The following TEAD1 variants were observed in gnomAD, a reference collection of about 807,000 sequenced individuals.
TEAD1 encodes TEA domain transcription factor 1.
Under a neutral mutation model 54.9 loss-of-function variants are expected in TEAD1, and 9 were observed. The ratio of observed to expected loss-of-function variants is 0.16; its 90% CI spans 0.10 to 0.29. The LOEUF (loss-of-function observed/expected upper bound fraction) is 0.29, where lower values mean the gene tolerates loss of function less well. Among genes scored for constraint, TEAD1 ranks in the 10% least tolerant of loss-of-function variants. The pLI is 1.00. For synonymous variants in TEAD1, 200 were observed against 187.8 expected (o/e 1.07, Z -0.53); for missense variants, 387 against 535.9 (o/e 0.72, Z 2.74).
At chr11:12,707,382 C>A (rs1943840652) in intron 2 of TEAD1, among the ~76,000 whole-genome samples, 1 of 152,114 alleles carries the variant, frequency 6.6e-6, no homozygotes, top group East Asian at 1.9e-4. Flanking sequence ...TATCTGCAAG[C>A]CATTTTAAGG....
chr11:12,856,647 A>C (rs545109824), intron 3 of TEAD1, among the ~76,000 whole-genome samples: 2 of 152,350 alleles, frequency 1.3e-5, no homozygotes, highest in South Asian at 4.1e-4. Flanking sequence ...TTGGTCTAGC[A>C]GTCAAGGGAA....
chr11:12,935,468 ATTTATTTT>A (rs1949082941), intron 12 of TEAD1, among the ~76,000 whole-genome samples: 1 of 151,566 alleles, frequency 6.6e-6, no homozygotes, highest in African/African-American at 2.4e-5. Flanking sequence ...TTATTTATTT[ATTTATTTT>A]TGAGGTAGAG....
chr11:12,900,640 A>G lies in TEAD1; in HGVS notation c.700-1300A>G, dbSNP rs1431630054. Among the ~76,000 whole-genome samples the G allele has an allele frequency of 9.2e-5, 14 of 151,954 alleles. No individual in the cohort carries two copies. The South Asian group carries it at 2.5e-3, about 27-fold the overall frequency. On this transcript the variant is annotated intron_variant, in intron 9 of 12. Transcript: ENST00000527636. ...AGTAGGATGAGTCTAGACCCACACA[A>G]TCTTTTTTTTTTTAAAGCAGGTCCC...
At chr11:12,862,802 G>A (rs749665422) in intron 4 of TEAD1, among the ~76,000 whole-genome samples, 1 of 152,200 alleles carries the variant, frequency 6.6e-6, no homozygotes, top group African/African-American at 2.4e-5. Flanking sequence ...GGGAACTGTT[G>A]CTTTTTAAGC....
At chr11:12,869,954 A>G (rs1223342501) in intron 5 of TEAD1, among the ~76,000 whole-genome samples, 1 of 151,870 alleles carries the variant, frequency 6.6e-6, no homozygotes, top group Non-Finnish European at 1.5e-5. Flanking sequence ...ATCTCGGCTC[A>G]TTGCAACCTC....
intron 3 of TEAD1, among the ~76,000 whole-genome samples, chr11:12,812,643 A>AT (rs1192051909): frequency 6.6e-6 from 1 of 152,216 alleles, no homozygotes; most frequent in African/African-American, 2.4e-5. Context: ...AACCTATGAA[A>AT]TTTATCAAGA....
At chr11:12,743,740 G>T (rs192617093) in intron 2 of TEAD1, among the ~76,000 whole-genome samples, 2 of 152,178 alleles carry the variant, frequency 1.3e-5, no homozygotes, top group African/African-American at 4.8e-5. Context: ...GATTTAAGGT[G>T]GGGGAGAAGG....
intron 2 of TEAD1, among the ~76,000 whole-genome samples, chr11:12,714,397 T>C (rs963779415): frequency 6.6e-6 from 1 of 152,152 alleles, no homozygotes; most frequent in African/African-American, 2.4e-5. Context: ...TTCTTTTGGC[T>C]TTTCTTTTTT....
chr11:12,893,102 C>T (rs533482473), intron 9 of TEAD1, among the ~76,000 whole-genome samples: 42 of 152,322 alleles, frequency 2.8e-4, no homozygotes, highest in South Asian at 6.2e-4. Flanking sequence ...ATATTCTAAC[C>T]CAGGTGTCAT....
chr11:12,769,775 G>A (rs1945278400), intron 3 of TEAD1, among the ~76,000 whole-genome samples: 1 of 152,190 alleles, frequency 6.6e-6, no homozygotes, highest in African/African-American at 2.4e-5. Context: ...GAAACAAACA[G>A]CTATGTGGTA....
intron 3 of TEAD1, among the ~76,000 whole-genome samples, chr11:12,846,015 A>G (rs991864365): frequency 3.3e-5 from 5 of 152,244 alleles, no homozygotes; most frequent in African/African-American, 1.2e-4. Context: ...TCTGCGAATC[A>G]GGCCACACCA....
intron 3 of TEAD1, among the ~76,000 whole-genome samples, chr11:12,800,791 C>T (rs1746389625): frequency 6.6e-6 from 1 of 152,178 alleles, no homozygotes; most frequent in African/African-American, 2.4e-5. Context: ...TTCTCTGCCC[C>T]CAAGCACCAT....
intron 2 of TEAD1, among the ~76,000 whole-genome samples, chr11:12,751,678 CAG>C (rs1042393495): frequency 6.6e-6 from 1 of 152,140 alleles, no homozygotes; most frequent in African/African-American, 2.4e-5. Context: ...AATTAGAAAA[CAG>C]AAACTTTCCC....
chr11:12,821,961 C>CTTTTTTTTT (rs10700151), intron 3 of TEAD1, among the ~76,000 whole-genome samples: 7,240 of 67,676 alleles, frequency 0.11, 1,624 homozygotes, highest in Non-Finnish European at 0.12. Flanking sequence ...TTCTCTTTTC[C>CTTTTTTTTT]TTTTTTTTTT....
At chr11:12,924,498 TTC>T (rs1948871764) in intron 10 of TEAD1, among the ~76,000 whole-genome samples, 1 of 152,204 alleles carries the variant, frequency 6.6e-6, no homozygotes, top group South Asian at 2.1e-4. Flanking sequence ...TTAAGAAAGT[TTC>T]TGTTTGTACA....
At chr11:12,855,580 G>A (rs142363348) in intron 3 of TEAD1, among the ~76,000 whole-genome samples, 411 of 152,020 alleles carry the variant, frequency 2.7e-3, no homozygotes, top group African/African-American at 9.4e-3. Flanking sequence ...GAGCCATTGC[G>A]CCTGACCAGG....
intron 10 of TEAD1, among the ~76,000 whole-genome samples, chr11:12,911,957 T>C (rs74975449): frequency 6.9e-6 from 1 of 144,912 alleles, no homozygotes; most frequent in African/African-American, 2.5e-5. Context: ...TTTTCAAGGC[T>C]TTTTTTTTTT....
At chr11:12,910,922 T>G (rs1359361384) in intron 10 of TEAD1, among the ~76,000 whole-genome samples, 1 of 152,056 alleles carries the variant, frequency 6.6e-6, no homozygotes, top group Non-Finnish European at 1.5e-5. Context: ...AATTTTTGTA[T>G]TTTTGGTAGA....
chr11:12,823,483 C>T (rs1946592239), intron 3 of TEAD1: 1 of 152,206 alleles, frequency 6.6e-6, no homozygotes, highest in Non-Finnish European at 1.5e-5. Flanking sequence ...GCTTCCCAGG[C>T]TGCTGTACAG....
Sources: gnomAD v4.1 joint callset for allele counts (sites outside exome capture counted in the v4.1 genomes callset) on GRCh38, gnomAD v4.1.1 for gene constraint, MANE v1.5 for transcripts, NCBI Gene and HGNC (gene_info 2026-07-23, HGNC 2026-07-21) for gene names.